Variants in TP73 observed in about 807,000 individuals in gnomAD.
TP73 encodes the protein tumor protein p73, also known as p53-like transcription factor.
Under a neutral mutation model 62.5 loss-of-function variants are expected in TP73, and 25 were observed. That is an observed-to-expected ratio of 0.40 (90% CI 0.29 to 0.56). The LOEUF is 0.56. TP73 is among the 20% of genes least tolerant of loss of function. The pLI is 0.46. For synonymous variants in TP73, 423 were observed against 377.5 expected (o/e 1.12, Z -1.40); for missense variants, 754 against 913.3 (o/e 0.83, Z 2.25).
chr1:3,656,730 G>A (rs761045342), intron 1 of TP73, among the ~76,000 whole-genome samples: 4 of 152,222 alleles, frequency 2.6e-5, no homozygotes, highest in African/African-American at 7.2e-5. Flanking sequence ...ACCTAGGACC[G>A]TGGAACATTC....
At chr1:3,655,515 C>A (rs557164061) in intron 1 of TP73, among the ~76,000 whole-genome samples, 1 of 152,160 alleles carries the variant, frequency 6.6e-6, no homozygotes, top group African/African-American at 2.4e-5. Flanking sequence ...GTTATTTCCT[C>A]GTGATTTTGC....
intron 6 of TP73, among the ~76,000 whole-genome samples, chr1:3,726,082 A>G (rs1204035973): frequency 1.0e-4 from 5 of 49,046 alleles, no homozygotes; most frequent in African/African-American, 2.4e-4. Flanking sequence ...GGATGGATTT[A>G]TTGATATTGA....
rs1447584770 is a variant in TP73, at chr1:3,728,357, C to T, written c.1074+140C>T. 4.9e-6 allele frequency: 4 copies of T among 815,448 alleles called. No homozygotes were observed. The African/African-American group carries it at 6.9e-5, about 14-fold the overall frequency. The allele number at this position is 815,448 out of a possible 1,614,324, so 50.5% of individuals were successfully genotyped here. A position where few individuals can be genotyped will look rare whatever the true frequency, so the allele number is the denominator to read the frequency against. ...GAGCCCAGCCCTGTGTGAGAGGGTC[C>T]AGAGGGCAGAACCTGCTTGCAAGAG... On this transcript the variant is annotated intron_variant, in intron 9 of 13. Transcript: ENST00000378295.
At chr1:3,731,399 G>C in intron 12 of TP73, 64 bp from the exon 13 acceptor site, 1 of 1,515,948 alleles carries the variant, frequency 6.6e-7, no homozygotes. Context: ...TCTCAGAGAT[G>C]GGGGCTCGCG....
intron 4 of TP73, among the ~76,000 whole-genome samples, chr1:3,718,675 C>T (rs1327792078): frequency 6.6e-6 from 1 of 152,104 alleles, no homozygotes; most frequent in Non-Finnish European, 1.5e-5. Context: ...CTTGGTTGCA[C>T]CCAGAGCCTT....
chr1:3,689,343 G>A (rs1407672401), intron 3 of TP73, among the ~76,000 whole-genome samples: 1 of 152,222 alleles, frequency 6.6e-6, no homozygotes, highest in Non-Finnish European at 1.5e-5. Context: ...GAGTGCTGCT[G>A]CCCTTCCTGT....
intron 1 of TP73, among the ~76,000 whole-genome samples, chr1:3,659,643 C>T (rs1208117692): frequency 2.6e-5 from 4 of 152,082 alleles, no homozygotes; most frequent in Admixed American, 1.3e-4. Context: ...TTCTACATCA[C>T]CCCTCTTTCT....
At chr1:3,674,459 GT>G (rs1206638446) in intron 1 of TP73, among the ~76,000 whole-genome samples, 1 of 152,240 alleles carries the variant, frequency 6.6e-6, no homozygotes, top group East Asian at 1.9e-4. Flanking sequence ...ATCTGTGGCG[GT>G]GAGGGGGGCT....
In TP73 at chr1:3,663,964, G is replaced by A. The variant is rs924918483; in HGVS notation, c.-34+11323G>A. 1.2e-4 allele frequency among the ~76,000 whole-genome samples: 18 copies of A among 152,294 alleles called. No homozygotes were observed. The highest frequency in any genetic ancestry group is 2.5e-4 in the Non-Finnish European group (17 of 68,016). ...ATGTCTTGAGCCCAATCAGTACCCT[G>A]GGGGTCGTGGCCGGCCCCCCTCCCT... On this transcript the variant is annotated intron_variant, in intron 1 of 13. Transcript: ENST00000378295. This position sits in a 1 kb window ranked among gnomAD's most constrained non-coding sequence, Gnocchi z 4.7.
chr1:3,720,940 T>G (rs1641019460), intron 4 of TP73, among the ~76,000 whole-genome samples: 1 of 152,342 alleles, frequency 6.6e-6, no homozygotes, highest in Admixed American at 6.5e-5. Flanking sequence ...GCGGCTGCAG[T>G]GACTTGTGAT....
chr1:3,731,197 G>A (rs775164489), intron 12 of TP73, 132 bp downstream of exon 12: 72 of 1,332,844 alleles, frequency 5.4e-5, no homozygotes, highest in African/African-American at 1.0e-4. Flanking sequence ...ACAGGCGGGC[G>A]GGGGCAGTCA....
intron 6 of TP73, among the ~76,000 whole-genome samples, chr1:3,724,580 C>T (rs138506767): frequency 0.016 from 2,470 of 152,374 alleles, 30 homozygotes; most frequent in Non-Finnish European, 0.025. Context: ...GAAGGCAGAG[C>T]TCTATCGCCC....
At chr1:3,712,756 C>A (rs573450315) in intron 4 of TP73, among the ~76,000 whole-genome samples, 1 of 152,328 alleles carries the variant, frequency 6.6e-6, no homozygotes, top group South Asian at 2.1e-4. Flanking sequence ...CTCCCACACT[C>A]CCCATTTTAC....
At chr1:3,720,794 G>A (rs1641009714) in intron 4 of TP73, among the ~76,000 whole-genome samples, 1 of 152,242 alleles carries the variant, frequency 6.6e-6, no homozygotes, top group Non-Finnish European at 1.5e-5. Flanking sequence ...CAGGGGGTCA[G>A]GGCCCCCTAA....
At position 3,679,004 on chromosome 1, in the gene TP73, C is replaced by A. The variant is rs573772099; in HGVS notation, c.-33-3329C>A. Reference sequence around the variant, plus strand: ...TGTCCTGTGAGCCTGGAGGGCCGGACGGGTGGGATCGGGGACCCACGACCA... The same window carrying A: ...TGTCCTGTGAGCCTGGAGGGCCGGAAGGGTGGGATCGGGGACCCACGACCA... On this transcript the variant is annotated intron_variant, in intron 1 of 13. Coordinates refer to ENST00000378295, the MANE Select transcript of TP73 (RefSeq NM_005427.4). 1.3e-4 allele frequency among the ~76,000 whole-genome samples: 20 copies of A among 152,322 alleles called. No individual in the cohort carries two copies. In the South Asian group the frequency reaches 2.3e-3, roughly 17 times the overall value.
chr1:3,658,288 T>C (rs930861789), intron 1 of TP73, among the ~76,000 whole-genome samples: 9 of 152,168 alleles, frequency 5.9e-5, no homozygotes, highest in African/African-American at 2.2e-4. Context: ...GAAAGTTGCC[T>C]CCCTCTTCCC....
At chr1:3,698,150 A>G in intron 3 of TP73, 2 of 984,320 alleles carry the variant, frequency 2.0e-6, no homozygotes, top group Non-Finnish European at 2.4e-6. Flanking sequence ...TCTGCAGGAC[A>G]GGTGGATGGA....
rs758980916 is a variant in TP73 at position 3,707,600 on chromosome 1, G to C, written c.238G>C (p.Ala80Pro). 1.9e-6 allele frequency: 3 copies of C among 1,612,384 alleles called. No homozygotes were observed. Among genetic ancestry groups the C allele is most frequent in the Non-Finnish European group, 2.5e-6 (3 of 1,179,754 alleles). Residue 80 changes from alanine to proline, a missense_variant, in exon 4 of 14, where the codon GCC (alanine) becomes CCC (proline). Around this residue, in one of 3 missense-constraint regions of TP73, gnomAD observed 235 missense variants for 251.4 expected, o/e 0.93. Transcript: ENST00000378295. ...STMDQMSSRAASASPYTPEHA... is the reference protein window; with the variant it reads ...STMDQMSSRAPSASPYTPEHA... ...CATGGACCAGATGAGCAGCCGCGCG[G>C]CCTCGGCCAGCCCCTACACCCCAGA...
At position 3,666,786 on chromosome 1, in the gene TP73, C is replaced by T. The variant is rs138240974; in HGVS notation, c.-34+14145C>T. On this transcript the variant is annotated intron_variant, in intron 1 of 13. Coordinates refer to ENST00000378295, the MANE Select transcript of TP73 (RefSeq NM_005427.4). The surrounding 1 kb of genome is among the most constrained non-coding windows in gnomAD (Gnocchi z 6.4). Reference sequence around the variant, plus strand: ...TGAGCAGACGCGACTCAGTGCCATGCGGGCGTCTCTCCCAGGGCGGCTTTC... The same window carrying T: ...TGAGCAGACGCGACTCAGTGCCATGTGGGCGTCTCTCCCAGGGCGGCTTTC... Among the ~76,000 whole-genome samples the T allele has an allele frequency of 9.8e-3, 1,492 of 152,296 alleles. 9 individuals are homozygous for T. Among genetic ancestry groups the T allele is most frequent in the Middle Eastern group, 0.031 (9 of 294 alleles).
Sources: gnomAD v4.1 joint callset for allele counts (sites outside exome capture counted in the v4.1 genomes callset) on GRCh38, gnomAD v4.1.1 for gene constraint, gnomAD v4.1.1 regional missense constraint, Gnocchi (gnomAD v3.1) non-coding constraint, MANE v1.5 for transcripts, NCBI Gene and HGNC (gene_info 2026-07-23, HGNC 2026-07-21) for gene names.